The following TTC17 variants were observed in gnomAD, a reference collection of about 807,000 sequenced individuals.
The protein encoded by TTC17 is tetratricopeptide repeat protein 17.
Under a neutral mutation model 143.8 loss-of-function variants are expected in TTC17, and 58 were observed. The observed-to-expected ratio is 0.40, with a 90% CI of 0.33 to 0.50. TTC17 has a LOEUF of 0.50. Among genes scored for constraint, TTC17 ranks in the 20% least tolerant of loss-of-function variants. The probability of loss-of-function intolerance (pLI) is 0.49; values close to 1 mark genes in which losing one functional copy is unlikely to be tolerated. For missense variants in TTC17, 1,273 were observed against 1,392.5 expected (o/e 0.91, Z 1.37); for synonymous variants, 501 against 497.8 (o/e 1.01, Z -0.09).
intron 2 of TTC17, among the ~76,000 whole-genome samples, chr11:43,388,629 A>G (rs1857260025): frequency 1.3e-5 from 2 of 151,680 alleles, no homozygotes; most frequent in Non-Finnish European, 2.9e-5. Flanking sequence ...GCTTGAGCCC[A>G]GGAGTTTGAG....
intron 16 of TTC17, among the ~76,000 whole-genome samples, chr11:43,422,521 T>G (rs1216191436): frequency 6.6e-6 from 1 of 152,154 alleles, no homozygotes; most frequent in Non-Finnish European, 1.5e-5. Context: ...AATCAGTTAC[T>G]AGGGTATTCT....
intron 1 of TTC17, among the ~76,000 whole-genome samples, chr11:43,361,512 C>T (rs191424970): frequency 2.0e-5 from 3 of 152,332 alleles, no homozygotes; most frequent in Admixed American, 1.3e-4. Context: ...GCAAAATCAT[C>T]TAACAGCATC....
chr11:43,405,098 T>C (rs1414934110), intron 11 of TTC17, among the ~76,000 whole-genome samples: 2 of 151,278 alleles, frequency 1.3e-5, no homozygotes, highest in Non-Finnish European at 1.5e-5. Flanking sequence ...CTTTTTCTTT[T>C]TTTTTTTTTT....
At chr11:43,396,508 C>T (rs865942465) in intron 5 of TTC17, 1 of 356,502 alleles carries the variant, frequency 2.8e-6, no homozygotes, top group Middle Eastern at 7.8e-4. Flanking sequence ...AATGCACGTG[C>T]TCAGCTGATG....
chr11:43,359,270 G>A (rs1855993564), intron 1 of TTC17, 157 bp downstream of exon 1: 3 of 901,714 alleles, frequency 3.3e-6, no homozygotes, highest in East Asian at 3.3e-5. Context: ...ATTCGGACCA[G>A]GCAGGCACTT....
chr11:43,381,279 A>T (rs546666228), intron 2 of TTC17, among the ~76,000 whole-genome samples: 1 of 152,328 alleles, frequency 6.6e-6, no homozygotes, highest in African/African-American at 2.4e-5. Flanking sequence ...AATAAAATGT[A>T]GGCAGGCTTG....
At chr11:43,398,145 T>C (rs368884855) in intron 8 of TTC17, 32 bp downstream of exon 8, 42 of 1,612,070 alleles carry the variant, frequency 2.6e-5, no homozygotes, top group Non-Finnish European at 3.3e-5. Flanking sequence ...ACTCAAGCAT[T>C]AGCACTATCG....
intron 1 of TTC17, among the ~76,000 whole-genome samples, chr11:43,370,578 G>A (rs958808932): frequency 3.3e-5 from 5 of 150,116 alleles, no homozygotes; most frequent in African/African-American, 9.8e-5. Context: ...AACATGTTAC[G>A]TAGTGTTCTA....
At chr11:43,375,306 G>A (rs1463708264) in intron 1 of TTC17, among the ~76,000 whole-genome samples, 1 of 152,176 alleles carries the variant, frequency 6.6e-6, no homozygotes, top group Non-Finnish European at 1.5e-5. Flanking sequence ...GGGGAAGGAA[G>A]CAAGTGAGGT....
intron 16 of TTC17, among the ~76,000 whole-genome samples, chr11:43,431,748 G>A (rs1314224714): frequency 6.6e-6 from 1 of 152,228 alleles, no homozygotes; most frequent in Admixed American, 6.5e-5. Flanking sequence ...CACACGCCAG[G>A]AGGCTGAAGT....
chr11:43,453,054 C>A (rs1167899687), intron 21 of TTC17, among the ~76,000 whole-genome samples: 1 of 151,952 alleles, frequency 6.6e-6, no homozygotes, highest in Non-Finnish European at 1.5e-5. Context: ...GAGTGCCAGG[C>A]CAAACAGGTC....
At chr11:43,492,583 T>G (rs1351561101) in intron 23 of TTC17, among the ~76,000 whole-genome samples, 1 of 152,244 alleles carries the variant, frequency 6.6e-6, no homozygotes, top group East Asian at 1.9e-4. Flanking sequence ...CTTTGTTTTA[T>G]AATTTTTTGT....
At chr11:43,368,684 A>AT (rs1435845742) in intron 1 of TTC17, among the ~76,000 whole-genome samples, 6 of 152,314 alleles carry the variant, frequency 3.9e-5, no homozygotes, top group African/African-American at 1.4e-4. Flanking sequence ...GTAATCTCTT[A>AT]AAAAGCACAG....
At chr11:43,478,937 A>C (rs907052531) in intron 21 of TTC17, among the ~76,000 whole-genome samples, 6 of 152,146 alleles carry the variant, frequency 3.9e-5, no homozygotes, top group Non-Finnish European at 7.4e-5. Flanking sequence ...CCAGGAGTGC[A>C]GCTTTTAAAA....
chr11:43,409,117 A>C (rs1858283851), intron 15 of TTC17, among the ~76,000 whole-genome samples: 1 of 152,160 alleles, frequency 6.6e-6, no homozygotes, highest in Non-Finnish European at 1.5e-5. Flanking sequence ...CTTCTATACA[A>C]ATATTTCATA....
chr11:43,470,779 T>G lies in TTC17; in HGVS notation c.3031-19460T>G, dbSNP rs1430617020. Among the ~76,000 whole-genome samples the G allele has an allele frequency of 2.6e-5, 4 of 152,106 alleles. 1 individual carries two copies. The highest frequency in any genetic ancestry group is 4.1e-4 in the South Asian group (2 of 4,820). Reference sequence around the variant, plus strand: ...ACTTCCTAGCTCAGTAGCTTTAGGGTGAGGCTTGAGAATTTACATATCTAA... The same window carrying G: ...ACTTCCTAGCTCAGTAGCTTTAGGGGGAGGCTTGAGAATTTACATATCTAA... On this transcript the variant is annotated intron_variant, in intron 21 of 23. Coordinates refer to ENST00000039989, the MANE Select transcript of TTC17 (RefSeq NM_018259.6).
intron 18 of TTC17, chr11:43,446,119 G>A (rs1188104591): frequency 2.8e-6 from 4 of 1,425,606 alleles, no homozygotes; most frequent in East Asian, 5.0e-5. Context: ...TTTACAGCCC[G>A]CCTCTGTGTA....
chr11:43,367,154 A>G (rs1856377514), intron 1 of TTC17, among the ~76,000 whole-genome samples: 1 of 152,186 alleles, frequency 6.6e-6, no homozygotes, highest in Non-Finnish European at 1.5e-5. Context: ...GCCTAAAAGA[A>G]GCCTCAGACT....
At chr11:43,431,139 A>G (rs1011545513) in intron 16 of TTC17, among the ~76,000 whole-genome samples, 3 of 152,166 alleles carry the variant, frequency 2.0e-5, no homozygotes, top group African/African-American at 7.2e-5. Flanking sequence ...TCCATGGTGT[A>G]TATGTGCCAC....
Sources: gnomAD v4.1 joint callset for allele counts (sites outside exome capture counted in the v4.1 genomes callset) on GRCh38, gnomAD v4.1.1 for gene constraint, MANE v1.5 for transcripts, NCBI Gene and HGNC (gene_info 2026-07-23, HGNC 2026-07-21) for gene names.